The following MYO16 variants were observed in gnomAD, a reference collection of about 807,000 sequenced individuals.
MYO16 encodes the protein unconventional myosin-XVI.
A neutral mutation model predicts 205.3 loss-of-function variants in MYO16; 94 were observed. The observed-to-expected ratio is 0.46, with a 90% CI of 0.39 to 0.54. The LOEUF (loss-of-function observed/expected upper bound fraction) is 0.54. Among genes scored for constraint, MYO16 ranks in the 20% least tolerant of loss-of-function variants. MYO16 has a pLI of 0.00. For synonymous variants in MYO16, 988 were observed against 954.0 expected, an observed-to-expected ratio of 1.04 and a Z score of -0.66; for missense variants, 2,315 against 2,387.5, an observed-to-expected ratio of 0.97 and a Z score of 0.63.
At position 108,765,772 on chromosome 13, in the gene MYO16, C is replaced by T. The variant is rs192355169; in HGVS notation, c.508-19863C>T. Among the ~76,000 whole-genome samples, 277 of 152,286 alleles carry T rather than the reference C, an allele frequency of 1.8e-3. 6 individuals are homozygous for T. The highest frequency in any genetic ancestry group is 0.018 in the Admixed American group (270 of 15,302). ...CATCCTACTCACTTAGGATTATTCC[C>T]TTTTGTTACCTTTTCTTTCTTACAC... On this transcript the variant is annotated intron_variant, in intron 4 of 34. Transcript: ENST00000457511.
At chr13:109,060,046 A>T (rs971765341) in intron 27 of MYO16, among the ~76,000 whole-genome samples, 2 of 152,166 alleles carry the variant, frequency 1.3e-5, no homozygotes, top group Admixed American at 6.5e-5. Flanking sequence ...TGGCAGTGTA[A>T]ATTAGTTCAA....
intron 32 of MYO16, among the ~76,000 whole-genome samples, chr13:109,147,472 T>A (rs275944): frequency 0.6 from 91,324 of 152,042 alleles, 27,832 homozygotes; most frequent in Middle Eastern, 0.66. Context: ...TCGTCATTTA[T>A]TCTCTGACAC....
chr13:108,768,180 G>A (rs1014793525), intron 4 of MYO16, among the ~76,000 whole-genome samples: 6 of 152,164 alleles, frequency 3.9e-5, no homozygotes, highest in East Asian at 1.9e-4. Context: ...CTCTCTGTCC[G>A]TTTGAATCTT....
At chr13:108,686,187 C>T (rs184327565) in intron 2 of MYO16, among the ~76,000 whole-genome samples, 22 of 152,182 alleles carry the variant, frequency 1.4e-4, no homozygotes, top group African/African-American at 4.3e-4. Context: ...GGAGTGGAGC[C>T]GCCTTGATGA....
intron 23 of MYO16, among the ~76,000 whole-genome samples, chr13:109,038,806 C>T (rs1886793919): frequency 6.6e-6 from 1 of 151,794 alleles, no homozygotes; most frequent in South Asian, 2.1e-4. Flanking sequence ...ATTGAAATTA[C>T]AGTTTTCCTT....
At chr13:108,935,411 C>T (rs888520209) in intron 16 of MYO16, among the ~76,000 whole-genome samples, 28 of 152,134 alleles carry the variant, frequency 1.8e-4, no homozygotes, top group Admixed American at 6.6e-4. Context: ...TTTGGCTCTC[C>T]GCTTGAACAT....
intron 2 of MYO16, among the ~76,000 whole-genome samples, chr13:108,675,343 T>C (rs9284245): frequency 0.15 from 23,088 of 152,156 alleles, 2,017 homozygotes; most frequent in Non-Finnish European, 0.2. Flanking sequence ...CTTCAATTAA[T>C]AGGGAACAGC....
chr13:108,798,511 A>G (rs1886859813), intron 6 of MYO16, among the ~76,000 whole-genome samples: 2 of 152,134 alleles, frequency 1.3e-5, no homozygotes, highest in Non-Finnish European at 1.5e-5. Flanking sequence ...TCAGAAAATG[A>G]TACAATTTTA....
At position 109,125,641 on chromosome 13, in the gene MYO16, C is replaced by G. The variant is rs967849894; in HGVS notation, c.3782+283C>G. On this transcript the variant is annotated intron_variant, in intron 30 of 34. Coordinates refer to ENST00000457511, the MANE Select transcript of MYO16 (RefSeq NM_001198950.3). This position sits in a 1 kb window ranked among gnomAD's most constrained non-coding sequence, Gnocchi z 4.0. Reference sequence around the variant, plus strand: ...TAACTACCTCAAGCACACTCTAGTTCTAAAGCATTTACTGTTTCTGTATTA... The same window carrying G: ...TAACTACCTCAAGCACACTCTAGTTGTAAAGCATTTACTGTTTCTGTATTA... Among the ~76,000 whole-genome samples, 1 of 152,186 alleles carries G rather than the reference C, an allele frequency of 6.6e-6. No homozygotes were observed. The highest frequency in any genetic ancestry group is 2.4e-5 in the African/African-American group (1 of 41,440).
At chr13:108,879,760 A>G (rs1417178331) in intron 12 of MYO16, among the ~76,000 whole-genome samples, 1 of 152,160 alleles carries the variant, frequency 6.6e-6, no homozygotes, top group African/African-American at 2.4e-5. Flanking sequence ...TCAGTCTATC[A>G]TTGATGGACA....
At chr13:108,713,690 G>T (rs571583704) in intron 3 of MYO16, among the ~76,000 whole-genome samples, 1 of 152,242 alleles carries the variant, frequency 6.6e-6, no homozygotes, top group South Asian at 2.1e-4. Context: ...TATACCAAAG[G>T]CTCAAGAGAT....
intron 15 of MYO16, among the ~76,000 whole-genome samples, chr13:108,906,514 A>C (rs957831936): frequency 2.6e-5 from 4 of 152,316 alleles, no homozygotes; most frequent in Non-Finnish European, 5.9e-5. Context: ...TGTTACCATC[A>C]TCAATTAGTC....
At chr13:108,720,499 A>T (rs1264175703) in intron 3 of MYO16, among the ~76,000 whole-genome samples, 1 of 152,192 alleles carries the variant, frequency 6.6e-6, no homozygotes, top group Non-Finnish European at 1.5e-5. Context: ...GGACAAAAAC[A>T]TGGACTATAT....
chr13:108,666,286 T>G (rs1881726518), intron 2 of MYO16, 137 bp downstream of exon 2: 1 of 1,012,590 alleles, frequency 9.9e-7, no homozygotes. Context: ...TTTTAACTGT[T>G]TGTATTATTC....
intron 20 of MYO16, among the ~76,000 whole-genome samples, chr13:108,967,808 C>T (rs2139381148): frequency 6.6e-6 from 1 of 152,220 alleles, no homozygotes; most frequent in South Asian, 2.1e-4. Context: ...AAAAATGACA[C>T]AGTTTATTGT....
At chr13:108,573,219 AG>A in the MYO16 span, among the ~76,000 whole-genome samples, 1 of 152,194 alleles carries the variant, frequency 6.6e-6, no homozygotes, top group Non-Finnish European at 1.5e-5. Context: ...AACAAGTGGG[AG>A]GGATGGTTGT....
At chr13:109,015,606 T>C (rs1278983345) in intron 22 of MYO16, among the ~76,000 whole-genome samples, 1 of 152,196 alleles carries the variant, frequency 6.6e-6, no homozygotes, top group African/African-American at 2.4e-5. Flanking sequence ...CTTTTTTGGT[T>C]TGTAGGCTAT....
intron 9 of MYO16, among the ~76,000 whole-genome samples, chr13:108,824,212 A>G (rs140570148): frequency 4.0e-4 from 61 of 152,074 alleles, no homozygotes; most frequent in Non-Finnish European, 6.8e-4. Flanking sequence ...CTGTAAAATT[A>G]CTGAAAGATA....
intron 14 of MYO16, among the ~76,000 whole-genome samples, chr13:108,891,091 G>A (rs763402885): frequency 2.6e-5 from 4 of 152,190 alleles, no homozygotes; most frequent in South Asian, 2.1e-4. Flanking sequence ...AATAAGTATC[G>A]TGACCGTATA....
Sources: allele counts gnomAD v4.1 joint callset (sites outside exome capture counted in the v4.1 genomes callset), GRCh38; gene constraint gnomAD v4.1.1; non-coding constraint Gnocchi (gnomAD v3.1); transcripts MANE v1.5; gene names NCBI Gene and HGNC (gene_info 2026-07-23, HGNC 2026-07-21).